The following BYSL variants were observed in gnomAD, a reference collection of about 807,000 sequenced individuals.
BYSL encodes the protein bystin.
Under a neutral mutation model 45.4 loss-of-function variants are expected in BYSL, and 21 were observed. That is an observed-to-expected ratio of 0.46 (90% confidence interval 0.33 to 0.67). BYSL has a LOEUF of 0.67. BYSL is among the 30% of genes least tolerant of loss of function. The probability of loss-of-function intolerance (pLI) is 0.02; values close to 1 mark genes in which losing one functional copy is unlikely to be tolerated. For missense variants in BYSL, 522 were observed against 578.5 expected, an observed-to-expected ratio of 0.90 and a Z score of 1.00; for synonymous variants, 215 against 231.3, an observed-to-expected ratio of 0.93 and a Z score of 0.64.
the BYSL span, among the ~76,000 whole-genome samples, chr6:41,913,961 C>T: frequency 1.1e-3 from 168 of 152,182 alleles, no homozygotes; most frequent in African/African-American, 3.8e-3. Context: ...TTACTTAGCA[C>T]AACATGAGGA....
upstream of BYSL, chr6:41,916,962 G>A (rs41271269): frequency 8.0e-3 from 12,935 of 1,612,998 alleles, 116 homozygotes; most frequent in Non-Finnish European, 7.9e-3. Context: ...GCACCAAATC[G>A]TCAGTTATCC....
the BYSL span, among the ~76,000 whole-genome samples, chr6:41,913,973 A>C: frequency 6.6e-6 from 1 of 152,234 alleles, no homozygotes; most frequent in Non-Finnish European, 1.5e-5. Context: ...ACATGAGGAG[A>C]GAAGTACTAT....
At chr6:41,929,127 C>T (rs984502909) in intron 2 of BYSL, among the ~76,000 whole-genome samples, 2 of 152,258 alleles carry the variant, frequency 1.3e-5, no homozygotes, top group African/African-American at 2.4e-5. Flanking sequence ...GTCTCAAACT[C>T]CTGACCTCAC....
chr6:41,924,348 G>A (rs1393914492), intron 1 of BYSL, among the ~76,000 whole-genome samples: 1 of 152,148 alleles, frequency 6.6e-6, no homozygotes, highest in African/African-American at 2.4e-5. Flanking sequence ...TGGGATTACA[G>A]GCATGAGCCA....
At chr6:41,915,331 C>G in the BYSL span, among the ~76,000 whole-genome samples, 1 of 151,044 alleles carries the variant, frequency 6.6e-6, no homozygotes, top group Non-Finnish European at 1.5e-5. Context: ...TGACCACACC[C>G]AAAAGTAAAA....
At chr6:41,920,120 T>C (rs1224626720), upstream of BYSL, among the ~76,000 whole-genome samples, 1 of 152,182 alleles carries the variant, frequency 6.6e-6, no homozygotes, top group Non-Finnish European at 1.5e-5. Flanking sequence ...TACCTTTCCC[T>C]GCCACCTCAT....
At chr6:41,920,846 A>G, upstream of BYSL, 1 of 857,446 alleles carries the variant, frequency 1.2e-6, no homozygotes, top group Non-Finnish European at 1.7e-6. Flanking sequence ...CTCTGAGGAA[A>G]CAAGCCCGGG....
chr6:41,917,112 A>T (rs962462943), upstream of BYSL, among the ~76,000 whole-genome samples: 9 of 152,018 alleles, frequency 5.9e-5, no homozygotes, highest in Admixed American at 1.3e-4. Context: ...ATTAAAAAAA[A>T]TTTTTTTGGC....
chr6:41,926,858 G>A (rs904790854), intron 1 of BYSL, among the ~76,000 whole-genome samples: 11 of 151,236 alleles, frequency 7.3e-5, no homozygotes, highest in African/African-American at 2.7e-4. Context: ...CATTTTGGGA[G>A]GCCAAGGCGG....
At chr6:41,923,174 C>A (rs1775514739) in intron 1 of BYSL, among the ~76,000 whole-genome samples, 1 of 151,620 alleles carries the variant, frequency 6.6e-6, no homozygotes, top group East Asian at 1.9e-4. Context: ...CTCTCTCTCT[C>A]TCTGTCACCC....
In BYSL at chr6:41,931,519, CAAG is replaced by C; in HGVS notation, c.832_834del (p.Lys278del). 6.2e-7 allele frequency: 1 copy of C among 1,614,186 alleles called. No homozygotes were observed. Among genetic ancestry groups the C allele is most frequent in the Non-Finnish European group, 8.5e-7 (1 of 1,180,046 alleles). On this transcript the variant is annotated inframe_deletion, in exon 5 of 7. Coordinates refer to ENST00000230340, the MANE Select transcript of BYSL (RefSeq NM_004053.4). ...TCAACTTCCATCTCTACATGGCTCT[CAAG>C]AAGGCCCTTTTCAAACCTGGAGCCT...
chr6:41,921,746 G>A lies in BYSL; in HGVS notation c.184G>A (p.Ala62Thr), dbSNP rs1775480088. The change falls in exon 1 of 7, where the codon GCA becomes ACA. Residue 62 changes from alanine (A) to threonine (T), a missense_variant. Ala to Thr is a moderately conservative substitution (Grantham distance 58). Coordinates refer to ENST00000230340, the MANE Select transcript of BYSL (RefSeq NM_004053.4). ...GCTGAGCCGACGGATTTTGCAGCAAGCACGGCAGCAACAGGAGGAACTCGA... is the reference window on the plus strand; with the variant it reads ...GCTGAGCCGACGGATTTTGCAGCAAACACGGCAGCAACAGGAGGAACTCGA... ...PRLSRRILQQARQQQEELEAE... is the reference protein window; with the variant it reads ...PRLSRRILQQTRQQQEELEAE... 1.9e-6 allele frequency: 3 copies of A among 1,613,642 alleles called. No individual in the cohort carries two copies. Among genetic ancestry groups the A allele is most frequent in the Non-Finnish European group, 2.5e-6 (3 of 1,179,918 alleles).
At chr6:41,912,199 CTTTTTTTTTTT>C in the BYSL span, among the ~76,000 whole-genome samples, 7 of 119,276 alleles carry the variant, frequency 5.9e-5, no homozygotes, top group Admixed American at 3.7e-4. Context: ...CCATGCCCAC[CTTTTTTTTTTT>C]TTTTTTTTTT....
chr6:41,916,690 C>A, upstream of BYSL: 1 of 1,467,284 alleles, frequency 6.8e-7, no homozygotes, highest in South Asian at 1.3e-5. Context: ...TTAAGAATAC[C>A]ACCTTTAGCA....
upstream of BYSL, chr6:41,921,237 G>T: frequency 1.5e-6 from 1 of 656,752 alleles, no homozygotes. Flanking sequence ...GCGGATTCCC[G>T]CCCCGAGGTT....
intron 1 of BYSL, among the ~76,000 whole-genome samples, chr6:41,923,461 T>A (rs1486849187): frequency 6.6e-6 from 1 of 152,058 alleles, no homozygotes; most frequent in Non-Finnish European, 1.5e-5. Context: ...CACATCCAGT[T>A]AATTTTTGTA....
chr6:41,927,736 T>A (rs1201512244), intron 2 of BYSL, 200 bp downstream of exon 2: 4 of 580,252 alleles, frequency 6.9e-6, no homozygotes, highest in South Asian at 2.2e-5. Flanking sequence ...CATTGTGTCC[T>A]TATGTCCATT....
chr6:41,921,672 G>A lies in BYSL; in HGVS notation c.110G>A (p.Arg37Gln). 1 of 1,613,246 alleles carries A rather than the reference G, an allele frequency of 6.2e-7. No homozygotes were observed. Among genetic ancestry groups the A allele is most frequent in the Non-Finnish European group, 8.5e-7 (1 of 1,179,734 alleles). ...GTGCGGGCGGGGGTCCGGGAGAAGC[G>A]GCGGGGTCGCGGGACAGGAGAAGCG... ...NAVRAGVREK[R>Q]RGRGTGEAEE... Residue 37 changes from arginine to glutamine, a missense_variant, in exon 1 of 7, where the codon CGG (arginine) becomes CAG (glutamine). Physicochemically the swap from Arg to Gln is conservative, Grantham distance 43 (BLOSUM62 1). Transcript: ENST00000230340.
rs1240632065 is a variant in BYSL at position 41,932,221 on chromosome 6, G to A, written c.969-140G>A. ...CAAGGGAGTATAATATGATTGTGTA[G>A]GTGAGAAGGTCCCTGGGGAATACCA... On this transcript the variant is annotated intron_variant, in intron 6 of 6. Coordinates refer to ENST00000230340, the MANE Select transcript of BYSL (RefSeq NM_004053.4). The surrounding 1 kb of genome is among the most constrained non-coding windows in gnomAD (Gnocchi z 4.7). The A allele has an allele frequency of 1.3e-6, 1 of 799,238 alleles. No homozygotes were observed. Among genetic ancestry groups the A allele is most frequent in the Non-Finnish European group, 2.0e-6 (1 of 490,164 alleles). 49.5% of individuals were successfully genotyped at this position (799,238 alleles called of 1,614,324 possible). A position where few individuals can be genotyped will look rare whatever the true frequency, so the allele number is the denominator to read the frequency against.
Sources: gnomAD v4.1 joint callset for allele counts (sites outside exome capture counted in the v4.1 genomes callset) on GRCh38, gnomAD v4.1.1 for gene constraint, Gnocchi (gnomAD v3.1) non-coding constraint, MANE v1.5 for transcripts, NCBI Gene and HGNC (gene_info 2026-07-23, HGNC 2026-07-21) for gene names.